NBAS: variants seen among roughly 807,000 people sequenced by gnomAD.
NBAS encodes NBAS subunit of NRZ tethering complex.
A neutral mutation model predicts 302.5 loss-of-function variants in NBAS; 219 were observed. The ratio of observed to expected loss-of-function variants is 0.72; its 90% confidence interval spans 0.65 to 0.81. The LOEUF is 0.81. NBAS is among the 30% of genes least tolerant of loss of function. NBAS has a pLI of 0.00. For missense variants in NBAS, 2,932 were observed against 2,841.6 expected (o/e 1.03, Z -0.72); for synonymous variants, 1,118 against 1,021.6 (o/e 1.09, Z -1.80).
chr2:15,277,795 T>C (rs1263156307), intron 42 of NBAS, among the ~76,000 whole-genome samples: 2 of 152,216 alleles, frequency 1.3e-5, no homozygotes, highest in African/African-American at 4.8e-5. Context: ...AAGGTATTTT[T>C]GCTTGGTTGA....
At chr2:14,854,541 TA>T in the NBAS span, among the ~76,000 whole-genome samples, 203 of 142,632 alleles carry the variant, frequency 1.4e-3, 1 homozygote, top group South Asian at 3.3e-3. Context: ...GAGATAAAAT[TA>T]AAAAAAAAAA....
intron 48 of NBAS, among the ~76,000 whole-genome samples, chr2:15,201,570 G>A (rs955089092): frequency 6.6e-6 from 1 of 152,084 alleles, no homozygotes; most frequent in Non-Finnish European, 1.5e-5. Context: ...ACAATATTAT[G>A]ACTGTTATTT....
chr2:14,872,922 G>A, the NBAS span, among the ~76,000 whole-genome samples: 1 of 152,214 alleles, frequency 6.6e-6, no homozygotes, highest in Non-Finnish European at 1.5e-5. Context: ...CTTCAGGAAT[G>A]AAGCTGCAGA....
chr2:15,365,211 T>C (rs960732301), intron 32 of NBAS, among the ~76,000 whole-genome samples: 1 of 152,218 alleles, frequency 6.6e-6, no homozygotes, highest in African/African-American at 2.4e-5. Flanking sequence ...TAAAAACTCA[T>C]ATAGATTACC....
At chr2:15,170,972 G>C (rs1300996923) in intron 51 of NBAS, among the ~76,000 whole-genome samples, 1 of 152,182 alleles carries the variant, frequency 6.6e-6, no homozygotes, top group Non-Finnish European at 1.5e-5. Flanking sequence ...TCAGCACACT[G>C]CTGAGTTGCT....
chr2:14,919,707 A>T, the NBAS span, among the ~76,000 whole-genome samples: 2 of 152,210 alleles, frequency 1.3e-5, no homozygotes, highest in Non-Finnish European at 2.9e-5. Context: ...CCAGGAGTAG[A>T]TTCCATTTCA....
intron 31 of NBAS, among the ~76,000 whole-genome samples, chr2:15,373,338 T>C (rs1333340191): frequency 1.3e-5 from 2 of 152,186 alleles, no homozygotes; most frequent in Non-Finnish European, 2.9e-5. Context: ...TTGAGTCTAA[T>C]AAGTTATTTT....
At chr2:15,247,541 C>T (rs926488213) in intron 44 of NBAS, among the ~76,000 whole-genome samples, 47 of 151,192 alleles carry the variant, frequency 3.1e-4, no homozygotes, top group African/African-American at 1.0e-3. Flanking sequence ...CAAATGGAAA[C>T]GAAAAAAAGC....
intron 37 of NBAS, 42 bp from the exon 38 acceptor site, chr2:15,327,912 T>C (rs1278557213): frequency 6.2e-7 from 1 of 1,611,616 alleles, no homozygotes; most frequent in Non-Finnish European, 8.5e-7. Flanking sequence ...AGGGTGCCTT[T>C]TGTCCTACAA....
At chr2:14,781,946 C>A in the NBAS span, among the ~76,000 whole-genome samples, 1 of 152,074 alleles carries the variant, frequency 6.6e-6, no homozygotes, top group African/African-American at 2.4e-5. Context: ...GGTCATAGCC[C>A]TAATGATTTT....
At chr2:15,339,924 G>GAAA (rs529287712) in intron 35 of NBAS, among the ~76,000 whole-genome samples, 1 of 136,902 alleles carries the variant, frequency 7.3e-6, no homozygotes, top group African/African-American at 2.6e-5. Context: ...TGGCAAAAAG[G>GAAA]AAAAAAAAAA....
chr2:14,991,422 GA>G, the NBAS span, among the ~76,000 whole-genome samples: 1 of 152,128 alleles, frequency 6.6e-6, no homozygotes, highest in African/African-American at 2.4e-5. Flanking sequence ...TCAAACTCCA[GA>G]AACATAAGGT....
the NBAS span, among the ~76,000 whole-genome samples, chr2:15,057,907 C>T: frequency 6.6e-6 from 1 of 152,136 alleles, no homozygotes; most frequent in Non-Finnish European, 1.5e-5. Context: ...CTCTTTACTC[C>T]TGTAAGAATG....
intron 42 of NBAS, among the ~76,000 whole-genome samples, chr2:15,285,050 G>T (rs1669977554): frequency 1.3e-5 from 2 of 152,128 alleles, no homozygotes; most frequent in Non-Finnish European, 2.9e-5. Flanking sequence ...AAAGAAAAAA[G>T]ATATTTAATA....
At chr2:15,141,900 G>C in the NBAS span, among the ~76,000 whole-genome samples, 395 of 152,214 alleles carry the variant, frequency 2.6e-3, 2 homozygotes, top group Middle Eastern at 0.014. Context: ...TGTCTGTACG[G>C]GTTTTGTTTT....
intron 21 of NBAS, among the ~76,000 whole-genome samples, chr2:15,438,503 A>C (rs866734044): frequency 1.3e-5 from 2 of 152,174 alleles, no homozygotes; most frequent in Admixed American, 6.5e-5. Context: ...TAATCTAAAA[A>C]ACTACCACCA....
At chr2:14,982,584 A>C in the NBAS span, among the ~76,000 whole-genome samples, 1 of 152,170 alleles carries the variant, frequency 6.6e-6, no homozygotes, top group Non-Finnish European at 1.5e-5. Context: ...AAAAAGCTTT[A>C]GGAAAAACAT....
chr2:15,381,340 T>C (rs1675024992), intron 29 of NBAS, among the ~76,000 whole-genome samples: 1 of 152,208 alleles, frequency 6.6e-6, no homozygotes, highest in African/African-American at 2.4e-5. Flanking sequence ...TTTTAAATTA[T>C]ATTTAAATTT....
intron 38 of NBAS, among the ~76,000 whole-genome samples, chr2:15,325,969 A>G (rs1447385997): frequency 6.6e-6 from 1 of 152,180 alleles, no homozygotes; most frequent in Admixed American, 6.5e-5. Context: ...GTTGTGTCTC[A>G]GAGAACAGAG....
Sources: allele counts gnomAD v4.1 joint callset (sites outside exome capture counted in the v4.1 genomes callset), GRCh38; gene constraint gnomAD v4.1.1; transcripts MANE v1.5; gene names NCBI Gene and HGNC (gene_info 2026-07-23, HGNC 2026-07-21).